The following MRPL38 variants were observed in gnomAD, a reference collection of about 807,000 sequenced individuals.
MRPL38 encodes the protein mitochondrial ribosomal protein L38.
Under a neutral mutation model 52.1 loss-of-function variants are expected in MRPL38, and 51 were observed. The ratio of observed to expected loss-of-function variants is 0.98; its 90% confidence interval spans 0.78 to 1.24. The LOEUF (loss-of-function observed/expected upper bound fraction) is 1.24. MRPL38 is among the 50% of genes most tolerant of loss of function. The probability of loss-of-function intolerance (pLI) is 0.00; values close to 1 mark genes in which losing one functional copy is unlikely to be tolerated. For synonymous variants in MRPL38, 245 were observed against 212.7 expected (o/e 1.15, Z -1.32); for missense variants, 527 against 518.6 (o/e 1.02, Z -0.16).
At position 75,899,723 on chromosome 17, in the gene MRPL38, G is replaced by C. The variant is rs772590972; in HGVS notation, c.711-49C>G. 2.0e-6 allele frequency: 3 copies of C among 1,479,234 alleles called. No homozygotes were observed. In the African/African-American group the frequency reaches 4.2e-5, roughly 21 times the overall value. The allele number at this position is 1,479,234 out of a possible 1,614,324, so 91.6% of individuals were successfully genotyped here. A position where few individuals can be genotyped will look rare whatever the true frequency, so the allele number is the denominator to read the frequency against. On this transcript the variant is annotated intron_variant, in intron 6 of 8. Transcript: ENST00000309352. ...AATTACCACTCCAGGGAGGCAGCAGGAGTGTCCCCTCAGCTCCATGCACAC... is the reference window on the plus strand; with the variant it reads ...AATTACCACTCCAGGGAGGCAGCAGCAGTGTCCCCTCAGCTCCATGCACAC...
rs371715586 is a variant in MRPL38, at chr17:75,902,026, G to A, written c.376C>T (p.Arg126Cys). 3.8e-5 allele frequency: 62 copies of A among 1,613,698 alleles called. No individual in the cohort carries two copies. Among genetic ancestry groups the A allele is most frequent in the South Asian group, 1.4e-4 (13 of 91,040 alleles). Residue 126 changes from arginine (R) to cysteine (C), a missense_variant, in exon 3 of 9, where the codon CGC (arginine) becomes TGC (cysteine). Arg to Cys is a radical substitution (Grantham distance 180). Transcript: ENST00000309352. ...CTCCCCTGAGAAGGCTTACCTGTGC[G>A]GAGGCGGGCAGCCCGCTCCTCTTCC... ...NVEEERAARL[R>C]TASVPLDAVR...
chr17:75,901,950 G>T lies in MRPL38; in HGVS notation c.383-30C>A, dbSNP rs375197278. ...ACAGGAATAAGGCCAGTTGGGATACGGGGGTGGGGGGGGCAGGGACACACC... is the reference window on the plus strand; with the variant it reads ...ACAGGAATAAGGCCAGTTGGGATACTGGGGTGGGGGGGGCAGGGACACACC... On this transcript the variant is annotated intron_variant, in intron 3 of 8. Coordinates refer to ENST00000309352, the MANE Select transcript of MRPL38 (RefSeq NM_032478.4). The surrounding 1 kb of genome is among the most constrained non-coding windows in gnomAD (Gnocchi z 5.7). The T allele has an allele frequency of 2.4e-5, 38 of 1,606,634 alleles. No individual in the cohort carries two copies. In the African/African-American group the frequency reaches 4.4e-4, roughly 19 times the overall value.
chr17:75,904,770 G>GGGCGGGGCGCCCCCCCCC, intron 1 of MRPL38, 39 bp downstream of exon 1: 1 of 500,008 alleles, frequency 2.0e-6, no homozygotes, highest in Non-Finnish European at 2.8e-6. Context: ...TCGGGCGACA[G>GGGCGGGGCGCCCCCCCCC]CCCCCCCCCC....
intron 6 of MRPL38, 33 bp downstream of exon 6, chr17:75,900,949 A>G (rs2065401082): frequency 6.3e-7 from 1 of 1,575,516 alleles, no homozygotes. Flanking sequence ...CCGCCTGGGC[A>G]GCACCCCCTA....
At position 75,904,554 on chromosome 17, in the gene MRPL38, A is replaced by C. The variant is rs2065419757; in HGVS notation, c.233T>G (p.Phe78Cys). ...TCGCCCCGCACCTGTCTTCTCCCCG[A>C]AATACTCTCGGTAGGTCCGCCACCA... ...PHWWRTYREY[F>C]GEKTDPKEKI... is the part of the protein sequence containing the mutation. Residue 78 changes from phenylalanine to cysteine, a missense_variant, in exon 2 of 9, where the codon TTC becomes TGC. Phe to Cys is a radical substitution (Grantham distance 205). Coordinates refer to ENST00000309352, the MANE Select transcript of MRPL38 (RefSeq NM_032478.4). 1 of 1,559,352 alleles carries C rather than the reference A, an allele frequency of 6.4e-7. No homozygotes were observed.
chr17:75,901,766 C>A lies in MRPL38; in HGVS notation c.537G>T (p.Val179=), dbSNP rs759703933. Reference sequence around the variant, plus strand: ...ACACAGGCATCAGGTCATCCTCACCCACAGCGTAGGCCACGTGCAGGGGGA... The same window carrying A: ...ACACAGGCATCAGGTCATCCTCACCAACAGCGTAGGCCACGTGCAGGGGGA... ...PRVPLHVAYA[V]GEDDLMPVYC... Residue 179 remains valine, a synonymous_variant, in exon 4 of 9, where the codon GTG becomes GTT. Transcript: ENST00000309352. The surrounding 1 kb of genome is among the most constrained non-coding windows in gnomAD (Gnocchi z 5.7). 1 of 1,613,780 alleles carries A rather than the reference C, an allele frequency of 6.2e-7. No individual in the cohort carries two copies. Among genetic ancestry groups the A allele is most frequent in the Admixed American group, 1.7e-5 (1 of 59,996 alleles).
At position 75,899,539 on chromosome 17, in the gene MRPL38, A is replaced by G. The variant is rs2144130034; in HGVS notation, c.846T>C (p.Ser282=). 1 of 1,599,972 alleles carries G rather than the reference A, an allele frequency of 6.3e-7. No homozygotes were observed. Among genetic ancestry groups the G allele is most frequent in the Non-Finnish European group, 8.5e-7 (1 of 1,170,808 alleles). ...ACCAGGGTGAGGGGCGTGCGTCCTCAGAGAAGTCAATCGGCTGGTCCTGCT... is the reference window on the plus strand; with the variant it reads ...ACCAGGGTGAGGGGCGTGCGTCCTCGGAGAAGTCAATCGGCTGGTCCTGCT... ...LFKQDQPIDF[S]EDARPSPCYQ... Residue 282 remains serine (S), a synonymous_variant, in exon 7 of 9, where the codon TCT becomes TCC. Coordinates refer to ENST00000309352, the MANE Select transcript of MRPL38 (RefSeq NM_032478.4).
rs79514618 is a variant in MRPL38, at chr17:75,898,675, C to T, written c.*175G>A. 2,707 of 681,404 alleles carry T rather than the reference C, an allele frequency of 4.0e-3. 67 individuals carry two copies. In the African/African-American group the frequency reaches 0.045, roughly 11 times the overall value. The allele number at this position is 681,404 out of a possible 1,614,324, so 42.2% of individuals were successfully genotyped here. ...AAGAAATCATGTTTATTCACATTCC[C>T]CACCCCACCACCTGAGAGTCACTTT... On this transcript the variant is annotated 3_prime_UTR_variant, in exon 9 of 9. Coordinates refer to ENST00000309352, the MANE Select transcript of MRPL38 (RefSeq NM_032478.4).
rs1249020608 is a variant in MRPL38, at chr17:75,901,945, G to A, written c.383-25C>T. On this transcript the variant is annotated intron_variant, in intron 3 of 8. Coordinates refer to ENST00000309352, the MANE Select transcript of MRPL38 (RefSeq NM_032478.4). The surrounding 1 kb of genome is among the most constrained non-coding windows in gnomAD (Gnocchi z 5.7). ...GCTAGACAGGAATAAGGCCAGTTGG[G>A]ATACGGGGGTGGGGGGGGCAGGGAC... 1.0e-6 allele frequency: 1 copy of A among 953,130 alleles called. No individual in the cohort carries two copies. The highest frequency in any genetic ancestry group is 4.9e-5 in the East Asian group (1 of 20,214). The allele number at this position is 953,130 out of a possible 1,614,324, so 59.0% of individuals were successfully genotyped here. A position where few individuals can be genotyped will look rare whatever the true frequency, so the allele number is the denominator to read the frequency against.
rs1454080796 is a variant in MRPL38, at chr17:75,899,757, C to T, written c.711-83G>A. 2.5e-6 allele frequency: 3 copies of T among 1,210,924 alleles called. No individual in the cohort carries two copies. The Admixed American group carries it at 9.8e-5, about 39-fold the overall frequency. 75.0% of individuals were successfully genotyped at this position (1,210,924 alleles called of 1,614,324 possible). On this transcript the variant is annotated intron_variant, in intron 6 of 8. Coordinates refer to ENST00000309352, the MANE Select transcript of MRPL38 (RefSeq NM_032478.4). ...CTCAGCTCCATGCACACCCTAGAGG[C>T]TGACATGACTCCCTGGGAGGACAGC...
chr17:75,904,770 G>GGC, intron 1 of MRPL38, 39 bp downstream of exon 1: 25 of 500,368 alleles, frequency 5.0e-5, no homozygotes, highest in Non-Finnish European at 6.4e-5. Flanking sequence ...TCGGGCGACA[G>GGC]CCCCCCCCCC....
chr17:75,898,756 A>C lies in MRPL38; in HGVS notation c.*94T>G, dbSNP rs910503158. 2 of 1,502,084 alleles carry C rather than the reference A, an allele frequency of 1.3e-6. No homozygotes were observed. Among genetic ancestry groups the C allele is most frequent in the Non-Finnish European group, 1.8e-6 (2 of 1,104,064 alleles). 93.0% of individuals were successfully genotyped at this position (1,502,084 alleles called of 1,614,324 possible). On this transcript the variant is annotated 3_prime_UTR_variant, in exon 9 of 9. Coordinates refer to ENST00000309352, the MANE Select transcript of MRPL38 (RefSeq NM_032478.4). ...GCCAAAGAGGGGGGCTGCCTAAGGCAGGGCCCAGACCCCACAGTGTGGGCC... is the reference window on the plus strand; with the variant it reads ...GCCAAAGAGGGGGGCTGCCTAAGGCCGGGCCCAGACCCCACAGTGTGGGCC...
At chr17:75,904,769 A>AGGGGGG in intron 1 of MRPL38, 40 bp downstream of exon 1, 24 of 454,412 alleles carry the variant, frequency 5.3e-5, no homozygotes, top group Middle Eastern at 6.2e-4. Flanking sequence ...CTCGGGCGAC[A>AGGGGGG]GCCCCCCCCC....
At chr17:75,904,280 GATTTTAGGAGCAAAT>G in intron 2 of MRPL38, 1 of 650,838 alleles carries the variant, frequency 1.5e-6, no homozygotes, top group Non-Finnish European at 2.9e-6. Flanking sequence ...AGGTGGTCAA[GATTTTAGGAGCAAAT>G]ATTTTAGGAG....
intron 2 of MRPL38, chr17:75,904,233 T>C (rs983955496): frequency 1.8e-6 from 1 of 564,278 alleles, no homozygotes; most frequent in Non-Finnish European, 3.5e-6. Context: ...TACAGAGTAT[T>C]TGAGGCGCAC....
At chr17:75,900,699 G>A in intron 6 of MRPL38, 8 of 1,173,922 alleles carry the variant, frequency 6.8e-6, no homozygotes, top group Non-Finnish European at 8.7e-6. Context: ...CCAGCCTGGG[G>A]GACAGAGTGA....
In MRPL38 at chr17:75,902,061, C is replaced by T. The variant is rs147331508; in HGVS notation, c.341G>A (p.Arg114Gln). Residue 114 changes from arginine (R) to glutamine (Q), a missense_variant, in exon 3 of 9, where the codon CGG (arginine) becomes CAG (glutamine). Coordinates refer to ENST00000309352, the MANE Select transcript of MRPL38 (RefSeq NM_032478.4). ...LERKQAIQEL[R>Q]ANVEEERAAR... ...AGCCCGCTCCTCTTCCACATTGGCC[C>T]GAAGCTCCTGGATGGCCTGTTTCCG... 7.7e-5 allele frequency: 124 copies of T among 1,612,772 alleles called. 3 individuals carry two copies. In the Middle Eastern group the frequency reaches 5.0e-3, roughly 64 times the overall value.
chr17:75,899,694 G>T lies in MRPL38; in HGVS notation c.711-20C>A. ...TTGGTTCTGGGAGGAGGAAAGTCCC[G>T]GTTAATTACCACTCCAGGGAGGCAG... On this transcript the variant is annotated intron_variant, in intron 6 of 8. Transcript: ENST00000309352. 6.5e-7 allele frequency: 1 copy of T among 1,540,284 alleles called. No individual in the cohort carries two copies. Among genetic ancestry groups the T allele is most frequent in the Non-Finnish European group, 8.8e-7 (1 of 1,139,864 alleles).
At chr17:75,903,350 AGTGAGT>A (rs2065413458) in intron 2 of MRPL38, among the ~76,000 whole-genome samples, 2 of 152,216 alleles carry the variant, frequency 1.3e-5, no homozygotes, top group Non-Finnish European at 2.9e-5. Flanking sequence ...CAGAGGTTGC[AGTGAGT>A]CATCGCACCA....
Sources: gnomAD v4.1 joint callset for allele counts (sites outside exome capture counted in the v4.1 genomes callset) on GRCh38, gnomAD v4.1.1 for gene constraint, Gnocchi (gnomAD v3.1) non-coding constraint, MANE v1.5 for transcripts, NCBI Gene and HGNC (gene_info 2026-07-23, HGNC 2026-07-21) for gene names.